Variants in CYB5A observed in about 807,000 individuals in gnomAD.
The protein encoded by CYB5A is cytochrome b5 type A, also known as cytochrome b5.
Under a neutral mutation model 16.2 loss-of-function variants are expected in CYB5A, and 10 were observed. That is an observed-to-expected ratio of 0.62 (90% CI 0.38 to 1.04). The LOEUF (loss-of-function observed/expected upper bound fraction) is 1.04. Among genes scored for constraint, CYB5A ranks in the 50% least tolerant of loss-of-function variants. The pLI is 0.01. For missense variants in CYB5A, 161 were observed against 165.9 expected (o/e 0.97, Z 0.16); for synonymous variants, 62 against 57.0 (o/e 1.09, Z -0.40).
chr18:74,288,151 C>T (rs1293950740), intron 1 of CYB5A, among the ~76,000 whole-genome samples: 1 of 152,208 alleles, frequency 6.6e-6, no homozygotes, highest in Non-Finnish European at 1.5e-5. Context: ...GCCTAAACAA[C>T]AAAAACAGCT....
chr18:74,275,142 C>T (rs1599259881), intron 1 of CYB5A, among the ~76,000 whole-genome samples: 1 of 152,196 alleles, frequency 6.6e-6, no homozygotes, highest in South Asian at 2.1e-4. Flanking sequence ...AGGAGGTACC[C>T]TTCGCTGAAC....
At chr18:74,264,384 C>T (rs1982349023) in intron 1 of CYB5A, among the ~76,000 whole-genome samples, 1 of 152,110 alleles carries the variant, frequency 6.6e-6, no homozygotes, top group Non-Finnish European at 1.5e-5. Flanking sequence ...ATTCTCTACC[C>T]AATCTATTTT....
At chr18:74,264,721 C>A (rs955655918) in intron 1 of CYB5A, among the ~76,000 whole-genome samples, 7 of 152,018 alleles carry the variant, frequency 4.6e-5, no homozygotes, top group African/African-American at 1.7e-4. Context: ...GCGGGAAGAG[C>A]CTCTTGTGGA....
chr18:74,282,389 T>C (rs142815905), intron 1 of CYB5A, among the ~76,000 whole-genome samples: 2 of 151,242 alleles, frequency 1.3e-5, no homozygotes, highest in South Asian at 2.1e-4. Context: ...ATCACACTAG[T>C]ATGCACTGTG....
intron 1 of CYB5A, among the ~76,000 whole-genome samples, chr18:74,275,558 T>G (rs1029640569): frequency 6.6e-6 from 1 of 152,130 alleles, no homozygotes; most frequent in Non-Finnish European, 1.5e-5. Context: ...TATTAGAGGA[T>G]CTCCTGAGCC....
chr18:74,276,633 C>T (rs1270377942), intron 1 of CYB5A, among the ~76,000 whole-genome samples: 1 of 151,888 alleles, frequency 6.6e-6, no homozygotes, highest in African/African-American at 2.4e-5. Flanking sequence ...TGCAAAACGA[C>T]ACTACAATAT....
intron 1 of CYB5A, among the ~76,000 whole-genome samples, chr18:74,279,072 C>T (rs1982989183): frequency 6.6e-6 from 1 of 152,172 alleles, no homozygotes; most frequent in Non-Finnish European, 1.5e-5. Context: ...CCTGCCAGGC[C>T]CAGAGCTGCC....
chr18:74,256,756 G>T, intron 3 of CYB5A: 1 of 1,390,792 alleles, frequency 7.2e-7, no homozygotes, highest in South Asian at 1.2e-5. Context: ...TGCAAAGCAC[G>T]TTAGAGAAAC....
intron 1 of CYB5A, among the ~76,000 whole-genome samples, chr18:74,265,345 T>C (rs760187953): frequency 8.5e-5 from 13 of 152,214 alleles, no homozygotes; most frequent in Non-Finnish European, 1.6e-4. Context: ...GTATGTAATG[T>C]TGGATAGAAA....
chr18:74,290,295 A>G (rs557455087), intron 1 of CYB5A, among the ~76,000 whole-genome samples: 2 of 152,228 alleles, frequency 1.3e-5, no homozygotes, highest in African/African-American at 2.4e-5. Context: ...CCCAGGCTGG[A>G]GCAAAGTGGT....
intron 1 of CYB5A, among the ~76,000 whole-genome samples, chr18:74,281,378 T>C (rs149280147): frequency 6.6e-6 from 1 of 152,232 alleles, no homozygotes; most frequent in East Asian, 1.9e-4. Context: ...CATGCTACTG[T>C]GTGAGCCTGC....
At chr18:74,255,541 C>CG (rs1226476543) in intron 4 of CYB5A, among the ~76,000 whole-genome samples, 200 bp downstream of exon 4, 1 of 152,156 alleles carries the variant, frequency 6.6e-6, no homozygotes, top group Non-Finnish European at 1.5e-5. Context: ...AGCTAGATCA[C>CG]GTGGCTGTGG....
chr18:74,268,233 C>T (rs765372752), intron 1 of CYB5A, among the ~76,000 whole-genome samples: 3 of 152,150 alleles, frequency 2.0e-5, no homozygotes, highest in Non-Finnish European at 4.4e-5. Context: ...AGTTTAGTGC[C>T]ATGAAGAATA....
chr18:74,254,162 A>G (rs1272321156), intron 4 of CYB5A, among the ~76,000 whole-genome samples: 1 of 152,200 alleles, frequency 6.6e-6, no homozygotes, highest in African/African-American at 2.4e-5. Flanking sequence ...CCTGTGTGAT[A>G]GAGCGAGACT....
intron 1 of CYB5A, among the ~76,000 whole-genome samples, chr18:74,280,031 G>A (rs1983031903): frequency 6.6e-6 from 1 of 152,170 alleles, no homozygotes; most frequent in Non-Finnish European, 1.5e-5. Flanking sequence ...ACATGCTACA[G>A]GGAAAAACTC....
At chr18:74,277,427 C>T (rs1423375222) in intron 1 of CYB5A, among the ~76,000 whole-genome samples, 1 of 152,188 alleles carries the variant, frequency 6.6e-6, no homozygotes, top group Non-Finnish European at 1.5e-5. Flanking sequence ...TGGCATGAAA[C>T]TAAAGAGGCC....
chr18:74,291,114 G>C (rs1161254937), intron 1 of CYB5A: 4 of 173,232 alleles, frequency 2.3e-5, no homozygotes, highest in Admixed American at 5.8e-5. Context: ...GGAAGCGCAG[G>C]CCCGGACCAC....
intron 3 of CYB5A, chr18:74,256,652 T>C (rs564351041): frequency 4.9e-6 from 3 of 609,292 alleles, no homozygotes; most frequent in East Asian, 5.5e-5. Context: ...GAAGTTGCCA[T>C]AAATAAGACA....
chr18:74,263,953 C>T (rs901920303), intron 1 of CYB5A, among the ~76,000 whole-genome samples: 4 of 151,826 alleles, frequency 2.6e-5, no homozygotes, highest in African/African-American at 9.7e-5. Flanking sequence ...CTTTCCCGGC[C>T]GGGCACGGTA....
Sources: gnomAD v4.1 joint callset for allele counts (sites outside exome capture counted in the v4.1 genomes callset) on GRCh38, gnomAD v4.1.1 for gene constraint, MANE v1.5 for transcripts, NCBI Gene and HGNC (gene_info 2026-07-23, HGNC 2026-07-21) for gene names.